Variants in CPEB1 observed in about 807,000 individuals in gnomAD.
CPEB1 encodes the protein cytoplasmic polyadenylation element binding protein 1.
A neutral mutation model predicts 65.8 loss-of-function variants in CPEB1; 7 were observed. That is an observed-to-expected ratio of 0.11 (90% confidence interval 0.06 to 0.20). The LOEUF (loss-of-function observed/expected upper bound fraction) is 0.20, where lower values mean the gene tolerates loss of function less well. Ranked by LOEUF, CPEB1 falls within the 10% of genes least tolerant of loss-of-function variation. The pLI, the probability that CPEB1 is intolerant of heterozygous loss-of-function variation, is 1.00. For synonymous variants in CPEB1, 262 were observed against 260.0 expected (o/e 1.01, Z -0.08); for missense variants, 551 against 712.2 (o/e 0.77, Z 2.58).
intron 5 of CPEB1, chr15:82,557,555 G>A: frequency 1.8e-6 from 1 of 549,424 alleles, no homozygotes; most frequent in Non-Finnish European, 3.2e-6. Context: ...GCAATGTATT[G>A]CTCAATGGGT....
At chr15:82,547,629 C>A (rs926752052) in intron 10 of CPEB1, among the ~76,000 whole-genome samples, 1 of 151,928 alleles carries the variant, frequency 6.6e-6, no homozygotes, top group African/African-American at 2.4e-5. Flanking sequence ...AAACCCTTTA[C>A]GATACTAGTG....
chr15:82,549,665 A>G lies in CPEB1; in HGVS notation c.1282-7T>C. ...CCCAGGGGATCACCTGCACCTGAAA[A>G]CCACCCAAAGGTGTATCAGCCCTGG... On this transcript the variant is annotated splice_polypyrimidine_tract_variant and splice_region_variant and intron_variant, in intron 9 of 12. Transcript: ENST00000684509. 1 of 1,613,940 alleles carries G rather than the reference A, an allele frequency of 6.2e-7. No individual in the cohort carries two copies. Among genetic ancestry groups the G allele is most frequent in the Non-Finnish European group, 8.5e-7 (1 of 1,179,948 alleles).
At chr15:82,547,024 G>T in intron 11 of CPEB1, 119 bp downstream of exon 11, 1 of 669,320 alleles carries the variant, frequency 1.5e-6, no homozygotes, top group Non-Finnish European at 2.6e-6. Flanking sequence ...CAGGAATTTG[G>T]CTCACTTCCC....
intron 1 of CPEB1, among the ~76,000 whole-genome samples, chr15:82,631,465 TCTA>T (rs2046239602): frequency 6.6e-6 from 1 of 151,838 alleles, no homozygotes; most frequent in African/African-American, 2.4e-5. Flanking sequence ...GGCGAACAGA[TCTA>T]CTACTCTCCT....
chr15:82,612,496 A>C (rs1466073735), intron 3 of CPEB1, among the ~76,000 whole-genome samples: 1 of 106,276 alleles, frequency 9.4e-6, no homozygotes, highest in Non-Finnish European at 1.9e-5. Context: ...GAGTCTGTCC[A>C]AAAAAAAAAA....
chr15:82,568,296 C>T (rs143050816), intron 4 of CPEB1, among the ~76,000 whole-genome samples: 67 of 152,250 alleles, frequency 4.4e-4, no homozygotes, highest in African/African-American at 1.5e-3. Context: ...TTCCAGGATA[C>T]TGAGGACAGT....
chr15:82,615,291 G>A (rs2044609688), intron 3 of CPEB1, among the ~76,000 whole-genome samples: 1 of 152,208 alleles, frequency 6.6e-6, no homozygotes, highest in African/African-American at 2.4e-5. Flanking sequence ...GAAGAGCCAA[G>A]AAGGACCTTG....
upstream of CPEB1, chr15:82,648,194 A>G: frequency 3.3e-6 from 1 of 305,846 alleles, no homozygotes; most frequent in Non-Finnish European, 6.0e-6. Flanking sequence ...GGGGGGCCAG[A>G]GACCTAAGCC....
chr15:82,643,489 C>T (rs1024915252), intron 1 of CPEB1, among the ~76,000 whole-genome samples: 3 of 151,852 alleles, frequency 2.0e-5, no homozygotes, highest in South Asian at 2.1e-4. Flanking sequence ...ATTAGCCGGG[C>T]GTGGTGGCGC....
At chr15:82,550,264 T>C (rs2036018046) in intron 9 of CPEB1, among the ~76,000 whole-genome samples, 1 of 152,186 alleles carries the variant, frequency 6.6e-6, no homozygotes, top group African/African-American at 2.4e-5. Flanking sequence ...CTGAATCTCC[T>C]GAACCTGGAA....
intron 1 of CPEB1, chr15:82,630,017 G>C: frequency 1.0e-6 from 1 of 985,402 alleles, no homozygotes; most frequent in Non-Finnish European, 1.2e-6. Context: ...GTTAAATCCA[G>C]TGACACACAA....
At chr15:82,552,372 A>T (rs1454436962) in intron 9 of CPEB1, 108 bp downstream of exon 9, 1 of 1,057,626 alleles carries the variant, frequency 9.5e-7, no homozygotes, top group Admixed American at 3.1e-5. Context: ...TTCTTGCCTC[A>T]GCAGGAATAC....
At chr15:82,607,427 A>C (rs1217764273) in intron 3 of CPEB1, among the ~76,000 whole-genome samples, 3 of 152,102 alleles carry the variant, frequency 2.0e-5, no homozygotes, top group Non-Finnish European at 4.4e-5. Flanking sequence ...GTCTCTACTA[A>C]AAATACAAAA....
intron 3 of CPEB1, among the ~76,000 whole-genome samples, chr15:82,623,420 G>C (rs903036864): frequency 1.3e-5 from 2 of 152,220 alleles, no homozygotes; most frequent in African/African-American, 4.8e-5. Context: ...GCTCACGCCT[G>C]TAATCCCAGC....
chr15:82,560,860 G>C (rs2038074557), intron 4 of CPEB1, among the ~76,000 whole-genome samples: 1 of 152,240 alleles, frequency 6.6e-6, no homozygotes, highest in Admixed American at 6.5e-5. Context: ...CTCCAGCAGA[G>C]CTCAGATACC....
rs1324623666 is a variant in CPEB1 at position 82,628,596 on chromosome 15, A to G, written c.-97-40T>C. The G allele has an allele frequency of 6.7e-6, 4 of 600,524 alleles. No individual in the cohort carries two copies. In the East Asian group the frequency reaches 1.1e-4, roughly 17 times the overall value. The allele number at this position is 600,524 out of a possible 1,614,324, so 37.2% of individuals were successfully genotyped here. ...GGAATTAGGATTGGTACCACATAGA[A>G]ACATTTTTACAGAAATGAAAAAGCA... On this transcript the variant is annotated intron_variant, in intron 1 of 12. Coordinates refer to ENST00000684509, the MANE Select transcript of CPEB1 (RefSeq NM_001365242.1).
intron 9 of CPEB1, among the ~76,000 whole-genome samples, chr15:82,551,952 G>A (rs1808557471): frequency 6.6e-6 from 1 of 152,132 alleles, no homozygotes; most frequent in Non-Finnish European, 1.5e-5. Context: ...AAAAGCGTAG[G>A]AAGAGAGAAT....
chr15:82,639,275 T>C (rs1253675664), intron 1 of CPEB1, among the ~76,000 whole-genome samples: 3 of 152,226 alleles, frequency 2.0e-5, no homozygotes, highest in African/African-American at 4.8e-5. Context: ...AGTGTGTATC[T>C]TGATCAACAT....
intron 1 of CPEB1, among the ~76,000 whole-genome samples, chr15:82,636,152 C>T (rs778803306): frequency 2.0e-5 from 3 of 152,132 alleles, no homozygotes; most frequent in Non-Finnish European, 4.4e-5. Flanking sequence ...TTAAAATATC[C>T]TCCCAATTCA....
Sources: gnomAD v4.1 joint callset for allele counts (sites outside exome capture counted in the v4.1 genomes callset) on GRCh38, gnomAD v4.1.1 for gene constraint, MANE v1.5 for transcripts, NCBI Gene and HGNC (gene_info 2026-07-23, HGNC 2026-07-21) for gene names.